TBC1D22A: variants seen among roughly 807,000 people sequenced by gnomAD.
TBC1D22A encodes the protein TBC1 domain family member 22A.
Under a neutral mutation model 60.2 loss-of-function variants are expected in TBC1D22A, and 38 were observed. The ratio of observed to expected loss-of-function variants is 0.63; its 90% CI spans 0.49 to 0.83. The LOEUF (loss-of-function observed/expected upper bound fraction) is 0.83, where lower values mean the gene tolerates loss of function less well. Ranked by LOEUF, TBC1D22A falls within the 40% of genes least tolerant of loss-of-function variation. The pLI is 0.00. For missense variants in TBC1D22A, 628 were observed against 701.0 expected, an observed-to-expected ratio of 0.90 and a Z score of 1.18; for synonymous variants, 302 against 281.7, an observed-to-expected ratio of 1.07 and a Z score of -0.72.
At chr22:46,901,341 G>A (rs1171151153) in intron 7 of TBC1D22A, among the ~76,000 whole-genome samples, 1 of 152,166 alleles carries the variant, frequency 6.6e-6, no homozygotes, top group Admixed American at 6.5e-5. Context: ...TCTCAGCTGC[G>A]TTGTTTTCTC....
At chr22:47,029,055 C>T (rs553820125) in intron 10 of TBC1D22A, among the ~76,000 whole-genome samples, 1 of 152,308 alleles carries the variant, frequency 6.6e-6, no homozygotes, top group South Asian at 2.1e-4. Flanking sequence ...ATTAGAATGG[C>T]TCATGGGACT....
intron 9 of TBC1D22A, among the ~76,000 whole-genome samples, chr22:46,982,576 G>T (rs753415074): frequency 2.6e-5 from 4 of 152,192 alleles, no homozygotes; most frequent in Non-Finnish European, 5.9e-5. Flanking sequence ...AGGCAAAACA[G>T]CTACATTTCC....
chr22:47,070,428 G>T lies in TBC1D22A; in HGVS notation c.1329+33230G>T, dbSNP rs535708728. 1.6e-5 allele frequency among the ~76,000 whole-genome samples: 2 copies of T among 128,096 alleles called. 1 individual carries two copies. The highest frequency in any genetic ancestry group is 5.0e-4 in the South Asian group (2 of 3,966). 84.0% of individuals were successfully genotyped at this position (128,096 alleles called of 152,430 possible). A position where few individuals can be genotyped will look rare whatever the true frequency, so the allele number is the denominator to read the frequency against. Reference sequence around the variant, plus strand: ...TGACGGTTCCAGGTTGTTCCCTGTTGTTTGGTTGGACGCTGTCCCCTGTTG... The same window carrying T: ...TGACGGTTCCAGGTTGTTCCCTGTTTTTTGGTTGGACGCTGTCCCCTGTTG... On this transcript the variant is annotated intron_variant, in intron 11 of 12. Transcript: ENST00000337137.
chr22:47,072,378 G>A (rs1446445712), intron 11 of TBC1D22A, among the ~76,000 whole-genome samples: 3 of 152,242 alleles, frequency 2.0e-5, no homozygotes, highest in African/African-American at 7.2e-5. Context: ...CTTACAATGT[G>A]CCTGTCGTGC....
intron 4 of TBC1D22A, among the ~76,000 whole-genome samples, chr22:46,864,741 G>T (rs1234707342): frequency 6.6e-6 from 1 of 152,270 alleles, no homozygotes; most frequent in East Asian, 1.9e-4. Flanking sequence ...CACTATTTTG[G>T]GGACCTTATG....
At chr22:46,942,542 G>A (rs4431) in intron 8 of TBC1D22A, among the ~76,000 whole-genome samples, 49,968 of 152,004 alleles carry the variant, frequency 0.33, 8,406 homozygotes, top group Non-Finnish European at 0.37. Flanking sequence ...TTCAAACCGC[G>A]TTAATATTAA....
intron 12 of TBC1D22A, among the ~76,000 whole-genome samples, chr22:47,135,582 G>T (rs1430839451): frequency 1.3e-5 from 2 of 152,216 alleles, no homozygotes; most frequent in Non-Finnish European, 2.9e-5. Flanking sequence ...CAGTAGTGGG[G>T]CATGGCCCAA....
At chr22:46,837,036 C>T (rs561558918) in intron 4 of TBC1D22A, among the ~76,000 whole-genome samples, 3 of 151,720 alleles carry the variant, frequency 2.0e-5, no homozygotes, top group Non-Finnish European at 4.4e-5. Flanking sequence ...TGGCACGTGC[C>T]TGTAGTCCTA....
intron 1 of TBC1D22A, among the ~76,000 whole-genome samples, chr22:46,775,646 GT>G (rs2083673289): frequency 6.6e-6 from 1 of 152,050 alleles, no homozygotes; most frequent in Non-Finnish European, 1.5e-5. Context: ...AATCTCTATA[GT>G]GAGTTAGTTT....
At position 47,034,485 on chromosome 22, in the gene TBC1D22A, G is replaced by A. The variant is rs574793830; in HGVS notation, c.1202-2586G>A. Among the ~76,000 whole-genome samples the A allele has an allele frequency of 4.6e-5, 7 of 150,864 alleles. No individual in the cohort carries two copies. In the East Asian group the frequency reaches 1.2e-3, roughly 25 times the overall value. On this transcript the variant is annotated intron_variant, in intron 10 of 12. Transcript: ENST00000337137. ...TGTGCTCCCGTGGTGATGATGAAGA[G>A]GAGGGGGAGGAGGAAGATGAAGACA...
chr22:46,901,357 A>G (rs1200525701), intron 7 of TBC1D22A, among the ~76,000 whole-genome samples: 1 of 152,212 alleles, frequency 6.6e-6, no homozygotes, highest in Non-Finnish European at 1.5e-5. Flanking sequence ...TTCTCTGGTA[A>G]TAGTGATGTG....
chr22:46,815,572 A>G (rs577816332), intron 4 of TBC1D22A, among the ~76,000 whole-genome samples: 1 of 152,168 alleles, frequency 6.6e-6, no homozygotes, highest in South Asian at 2.1e-4. Flanking sequence ...TTCTCTTTCT[A>G]ATTTATTCAC....
At chr22:47,167,260 G>T (rs929384587) in intron 12 of TBC1D22A, among the ~76,000 whole-genome samples, 1 of 152,208 alleles carries the variant, frequency 6.6e-6, no homozygotes, top group Non-Finnish European at 1.5e-5. Context: ...ACCTTCATGT[G>T]CCTGGCTCAT....
chr22:47,168,957 C>T (rs1226282613), intron 12 of TBC1D22A, among the ~76,000 whole-genome samples: 2 of 151,800 alleles, frequency 1.3e-5, no homozygotes, highest in Non-Finnish European at 2.9e-5. Flanking sequence ...CATTGGGAGC[C>T]TCGTCTGCTC....
At chr22:47,152,032 G>C (rs1044311248) in intron 12 of TBC1D22A, among the ~76,000 whole-genome samples, 5 of 152,192 alleles carry the variant, frequency 3.3e-5, no homozygotes, top group Non-Finnish European at 7.3e-5. Context: ...GCCCGTGTGA[G>C]GGTTCCTCTG....
intron 12 of TBC1D22A, among the ~76,000 whole-genome samples, chr22:47,112,757 C>T (rs550613761): frequency 5.4e-5 from 8 of 149,162 alleles, no homozygotes; most frequent in Non-Finnish European, 9.0e-5. Context: ...TTGTGCCCTG[C>T]GGGGAGCATT....
chr22:46,833,559 C>T (rs1001993022), intron 4 of TBC1D22A, among the ~76,000 whole-genome samples: 2 of 152,092 alleles, frequency 1.3e-5, no homozygotes, highest in African/African-American at 2.4e-5. Context: ...CTTCATGACT[C>T]GTGGGGGTGA....
At chr22:47,150,140 G>A (rs888054693) in intron 12 of TBC1D22A, among the ~76,000 whole-genome samples, 2 of 152,152 alleles carry the variant, frequency 1.3e-5, no homozygotes, top group African/African-American at 4.8e-5. Flanking sequence ...GGATAGCGAA[G>A]GGCCCCACGC....
chr22:47,000,004 G>A (rs1326270865), intron 10 of TBC1D22A, among the ~76,000 whole-genome samples: 4 of 152,300 alleles, frequency 2.6e-5, no homozygotes, highest in South Asian at 2.1e-4. Context: ...CAGCCTGGGT[G>A]ACAGAGCGAG....
Sources: allele counts gnomAD v4.1 joint callset (sites outside exome capture counted in the v4.1 genomes callset), GRCh38; gene constraint gnomAD v4.1.1; transcripts MANE v1.5; gene names NCBI Gene and HGNC (gene_info 2026-07-23, HGNC 2026-07-21).